The following RAD54L variants were observed in gnomAD, a reference collection of about 807,000 sequenced individuals.
The protein encoded by RAD54L is RAD54 like.
RAD54L carries 74 observed loss-of-function variants against 91.6 expected under a neutral mutation model. The observed-to-expected ratio is 0.81, with a 90% CI of 0.67 to 0.98. The LOEUF (loss-of-function observed/expected upper bound fraction) is 0.98. Among genes scored for constraint, RAD54L ranks in the 50% least tolerant of loss-of-function variants. The pLI is 0.00. For synonymous variants in RAD54L, 304 were observed against 349.7 expected (o/e 0.87, Z 1.46); for missense variants, 887 against 945.7 (o/e 0.94, Z 0.81).
Position 46,250,896 on chromosome 1 carries a change from G to A in RAD54L, c.210+777G>A, listed in dbSNP as rs191158636. Among the ~76,000 whole-genome samples the A allele has an allele frequency of 7.2e-3, 1,098 of 151,932 alleles. 6 individuals carry two copies. The highest frequency in any genetic ancestry group is 0.011 in the Non-Finnish European group (741 of 67,952). On this transcript the variant is annotated intron_variant, in intron 3 of 17. Transcript: ENST00000371975. ...TGAGGCATGAGAATCACTTGAACCCGGGAGGCCGAGGTTGCAGTGAGTCAA... is the reference window on the plus strand; with the variant it reads ...TGAGGCATGAGAATCACTTGAACCCAGGAGGCCGAGGTTGCAGTGAGTCAA...
At chr1:46,258,599 G>C in intron 3 of RAD54L, 87 bp from the exon 4 acceptor site, 1 of 1,048,372 alleles carries the variant, frequency 9.5e-7, no homozygotes, top group Non-Finnish European at 1.5e-6. Flanking sequence ...GGATGCTGTT[G>C]TACAAAACCT....
chr1:46,258,681 T>G lies in RAD54L; in HGVS notation c.211-5T>G. On this transcript the variant is annotated splice_region_variant and splice_polypyrimidine_tract_variant and intron_variant, in intron 3 of 17. Transcript: ENST00000371975. ...CCTGAATCCTTGTTTCTCCTTTCTT[T>G]TTAGGAAGCATTTATTCGAAGCATT... 6.3e-7 allele frequency: 1 copy of G among 1,597,458 alleles called. No homozygotes were observed.
chr1:46,270,258 A>C (rs1371999647), intron 9 of RAD54L, among the ~76,000 whole-genome samples: 3 of 150,322 alleles, frequency 2.0e-5, no homozygotes, highest in Non-Finnish European at 3.0e-5. Context: ...AATCCCAACT[A>C]CTCGGGAGGC....
At position 46,260,107 on chromosome 1, in the gene RAD54L, C is replaced by A. The variant is rs1265117029; in HGVS notation, c.407+8C>A. On this transcript the variant is annotated splice_region_variant and intron_variant, in intron 5 of 17. Coordinates refer to ENST00000371975, the MANE Select transcript of RAD54L (RefSeq NM_003579.4). ...CCAGCTGAAGCTTGACAAGTATGTG[C>A]ACTGGTATTTCATAAGCAGTTTTGG... 1 of 1,614,202 alleles carries A rather than the reference C, an allele frequency of 6.2e-7. No homozygotes were observed. The highest frequency in any genetic ancestry group is 8.5e-7 in the Non-Finnish European group (1 of 1,180,038).
Position 46,272,716 on chromosome 1 carries a change from A to G in RAD54L, c.1289A>G (p.Gln430Arg). 6.2e-7 allele frequency: 1 copy of G among 1,614,204 alleles called. No individual in the cohort carries two copies. The highest frequency in any genetic ancestry group is 1.1e-5 in the South Asian group (1 of 91,082). ...GAGTTATACAAGAGGTTTCTGAGACAAGCCAAACCGGCAGAAGAATTGCTT... is the reference window on the plus strand; with the variant it reads ...GAGTTATACAAGAGGTTTCTGAGACGAGCCAAACCGGCAGAAGAATTGCTT... ...QTELYKRFLRQAKPAEELLEG... is the reference protein window; with the variant it reads ...QTELYKRFLRRAKPAEELLEG... Residue 430 changes from glutamine to arginine, a missense_variant, in exon 12 of 18, where the codon CAA becomes CGA. By Grantham distance (43) the Gln-to-Arg change is conservative (BLOSUM62 1). Transcript: ENST00000371975.
In RAD54L at chr1:46,265,340, C is replaced by T. The variant is rs72901049; in HGVS notation, c.892-2119C>T. ...TCTACTAAAAATACAAAAGTTAGCCCGGCATAGTAACACATGCCTGTAATA... is the reference window on the plus strand; with the variant it reads ...TCTACTAAAAATACAAAAGTTAGCCTGGCATAGTAACACATGCCTGTAATA... On this transcript the variant is annotated intron_variant, in intron 8 of 17. Coordinates refer to ENST00000371975, the MANE Select transcript of RAD54L (RefSeq NM_003579.4). The surrounding 1 kb of genome is among the most constrained non-coding windows in gnomAD (Gnocchi z 4.8). 4.1e-3 allele frequency among the ~76,000 whole-genome samples: 626 copies of T among 152,166 alleles called. 8 individuals are homozygous for T. Among genetic ancestry groups the T allele is most frequent in the African/African-American group, 0.014 (596 of 41,540 alleles).
intron 9 of RAD54L, among the ~76,000 whole-genome samples, chr1:46,268,459 A>G (rs1190276418): frequency 6.6e-6 from 1 of 152,216 alleles, no homozygotes; most frequent in Non-Finnish European, 1.5e-5. Flanking sequence ...CTGAGTGGCA[A>G]GATTATGACC....
intron 10 of RAD54L, among the ~76,000 whole-genome samples, chr1:46,271,277 A>G (rs1660418927): frequency 6.6e-6 from 1 of 152,162 alleles, no homozygotes; most frequent in Non-Finnish European, 1.5e-5. Context: ...CAGAGGTGGT[A>G]TGCACACTTG....
chr1:46,273,791 T>C (rs1660510435), intron 14 of RAD54L, 44 bp downstream of exon 14: 1 of 1,563,916 alleles, frequency 6.4e-7, no homozygotes, highest in African/African-American at 1.4e-5. Flanking sequence ...GATATACCCC[T>C]CCCCTACTGT....
In RAD54L at chr1:46,248,056, A is replaced by G; in HGVS notation, c.-350A>G. ...CAATCCCACCCCGCCCCGCCGCGCAACTACCTCCTCCCTTCACCCGGACTG... is the reference window on the plus strand; with the variant it reads ...CAATCCCACCCCGCCCCGCCGCGCAGCTACCTCCTCCCTTCACCCGGACTG... On this transcript the variant is annotated 5_prime_UTR_variant, in exon 1 of 18. Coordinates refer to ENST00000371975, the MANE Select transcript of RAD54L (RefSeq NM_003579.4). 1 of 253,512 alleles carries G rather than the reference A, an allele frequency of 3.9e-6. No individual in the cohort carries two copies. Among genetic ancestry groups the G allele is most frequent in the Admixed American group, 5.0e-5 (1 of 19,972 alleles). 15.7% of individuals were successfully genotyped at this position (253,512 alleles called of 1,614,324 possible). A position where few individuals can be genotyped will look rare whatever the true frequency, so the allele number is the denominator to read the frequency against.
chr1:46,262,187 G>T (rs1660147688), intron 8 of RAD54L, among the ~76,000 whole-genome samples: 1 of 152,036 alleles, frequency 6.6e-6, no homozygotes, highest in Non-Finnish European at 1.5e-5. Context: ...GCTGAGGCGG[G>T]CGGATCATGC....
At position 46,260,880 on chromosome 1, in the gene RAD54L, A is replaced by G; in HGVS notation, c.631A>G (p.Ile211Val). ...CCAGAGTCCAGAGTGCAAGCCAGAAATTGACAAGGCAGTGGTGGTGTCGCC... is the reference window on the plus strand; with the variant it reads ...CCAGAGTCCAGAGTGCAAGCCAGAAGTTGACAAGGCAGTGGTGGTGTCGCC... ...LRQSPECKPE[I>V]DKAVVVSPSS... is the part of the protein sequence containing the mutation. Residue 211 changes from isoleucine to valine, a missense_variant, in exon 7 of 18, where the codon ATT (isoleucine) becomes GTT (valine). Ile to Val is a conservative substitution (Grantham distance 29). Coordinates refer to ENST00000371975, the MANE Select transcript of RAD54L (RefSeq NM_003579.4). 1.9e-6 allele frequency: 3 copies of G among 1,614,250 alleles called. No homozygotes were observed. Among genetic ancestry groups the G allele is most frequent in the Non-Finnish European group, 2.5e-6 (3 of 1,180,042 alleles).
intron 9 of RAD54L, 186 bp downstream of exon 9, chr1:46,267,795 C>A: frequency 1.3e-6 from 1 of 780,898 alleles, no homozygotes. Flanking sequence ...TGCTGAGCAA[C>A]TCAGCAAAGC....
chr1:46,257,143 CAAA>C (rs576146179), intron 3 of RAD54L, among the ~76,000 whole-genome samples: 8 of 54,434 alleles, frequency 1.5e-4, no homozygotes, highest in East Asian at 1.1e-3. Flanking sequence ...GACTCCATCT[CAAA>C]AAAAAAAAAA....
chr1:46,250,680 A>G (rs1045583457), intron 3 of RAD54L, among the ~76,000 whole-genome samples: 1 of 152,202 alleles, frequency 6.6e-6, no homozygotes, highest in African/African-American at 2.4e-5. Flanking sequence ...CAAACATTTA[A>G]AAACGGTTTT....
chr1:46,252,795 G>C (rs1238842017), intron 3 of RAD54L, among the ~76,000 whole-genome samples: 1 of 152,198 alleles, frequency 6.6e-6, no homozygotes, highest in Non-Finnish European at 1.5e-5. Context: ...TGCAGGCCAG[G>C]TGTGGTGGCT....
chr1:46,253,968 T>G (rs992853354), intron 3 of RAD54L, among the ~76,000 whole-genome samples: 1 of 152,032 alleles, frequency 6.6e-6, no homozygotes, highest in Non-Finnish European at 1.5e-5. Context: ...TGCAGTCTTT[T>G]TTGTTTTTGT....
intron 3 of RAD54L, among the ~76,000 whole-genome samples, chr1:46,254,764 A>G (rs565519487): frequency 6.6e-6 from 1 of 151,994 alleles, no homozygotes; most frequent in Admixed American, 6.6e-5. Flanking sequence ...TTTTTAAATG[A>G]TATGTAGAGA....
chr1:46,267,467 G>C lies in RAD54L; in HGVS notation c.900G>C (p.Arg300Ser). 6.2e-7 allele frequency: 1 copy of C among 1,613,996 alleles called. No individual in the cohort carries two copies. Among genetic ancestry groups the C allele is most frequent in the Non-Finnish European group, 8.5e-7 (1 of 1,180,028 alleles). ...TAAGGATTCTCTTGCAGGGACACAG[G>C]CTCAAGAACTCTGAGAATCAGACTT... ...VGLVICDEGH[R>S]LKNSENQTYQ... Residue 300 changes from arginine to serine, a missense_variant, in exon 9 of 18, where the codon AGG (arginine) becomes AGC (serine). By Grantham distance (110) the Arg-to-Ser change is moderately radical (BLOSUM62 -1). Coordinates refer to ENST00000371975, the MANE Select transcript of RAD54L (RefSeq NM_003579.4).
Sources: allele counts gnomAD v4.1 joint callset (sites outside exome capture counted in the v4.1 genomes callset), GRCh38; gene constraint gnomAD v4.1.1; non-coding constraint Gnocchi (gnomAD v3.1); transcripts MANE v1.5; gene names NCBI Gene and HGNC (gene_info 2026-07-23, HGNC 2026-07-21).